DAB1: variants seen among roughly 807,000 people sequenced by gnomAD.
DAB1 encodes the protein disabled homolog 1.
Under a neutral mutation model 64.6 loss-of-function variants are expected in DAB1, and 15 were observed. The ratio of observed to expected loss-of-function variants is 0.23; its 90% CI spans 0.16 to 0.36. The LOEUF (loss-of-function observed/expected upper bound fraction) is 0.36, where lower values mean the gene tolerates loss of function less well. DAB1 is among the 10% of genes least tolerant of loss of function. DAB1 has a pLI of 1.00. For synonymous variants in DAB1, 235 were observed against 251.9 expected (o/e 0.93, Z 0.64); for missense variants, 596 against 706.7 (o/e 0.84, Z 1.78).
intron 7 of DAB1, among the ~76,000 whole-genome samples, chr1:57,509,641 T>C (rs1644385357): frequency 6.6e-6 from 1 of 152,112 alleles, no homozygotes; most frequent in South Asian, 2.1e-4. Context: ...GCACCAATTC[T>C]ATAAAACCAT....
At chr1:57,948,807 G>T (rs1281369751) in intron 5 of DAB1, among the ~76,000 whole-genome samples, 1 of 152,176 alleles carries the variant, frequency 6.6e-6, no homozygotes, top group Non-Finnish European at 1.5e-5. Flanking sequence ...TGAAGAATCT[G>T]AACCTAGAGG....
chr1:58,408,034 G>C (rs543505977), intron 3 of DAB1, among the ~76,000 whole-genome samples: 1 of 152,090 alleles, frequency 6.6e-6, no homozygotes, highest in Admixed American at 6.5e-5. Context: ...GGGTCTCAAC[G>C]TGTACTCCCT....
intron 6 of DAB1, among the ~76,000 whole-genome samples, chr1:57,715,680 C>A (rs1266066378): frequency 6.6e-6 from 1 of 151,764 alleles, no homozygotes; most frequent in Non-Finnish European, 1.5e-5. Context: ...AAAAGCAATC[C>A]CATTTATAAT....
chr1:58,411,873 C>T (rs1407806572), intron 3 of DAB1, among the ~76,000 whole-genome samples: 1 of 152,172 alleles, frequency 6.6e-6, no homozygotes, highest in African/African-American at 2.4e-5. Flanking sequence ...GCTGTTTCCC[C>T]ACCAAGGAAC....
chr1:57,290,834 A>T (rs17455616), intron 2 of DAB1, 130 bp downstream of exon 2: 5,976 of 575,800 alleles, frequency 0.01, 131 homozygotes, highest in East Asian at 0.076. Context: ...TTATTAACAC[A>T]AAACACACAA....
At chr1:57,145,166 T>C (rs1658989584) in intron 3 of DAB1, 124 bp downstream of exon 3, 1 of 949,476 alleles carries the variant, frequency 1.1e-6, no homozygotes, top group South Asian at 1.8e-5. Context: ...ATATGGTGAT[T>C]CAACAGTAAG....
chr1:58,504,028 C>T (rs897415134), intron 3 of DAB1, among the ~76,000 whole-genome samples: 5 of 152,178 alleles, frequency 3.3e-5, no homozygotes, highest in Non-Finnish European at 7.3e-5. Context: ...TCATCTCCTA[C>T]CAGGATTATG....
chr1:58,494,727 T>A lies in DAB1; in HGVS notation n.257+11333A>T, dbSNP rs572036918. 7.0e-3 allele frequency among the ~76,000 whole-genome samples: 1,063 copies of A among 152,148 alleles called. 7 individuals carry two copies. The highest frequency in any genetic ancestry group is 0.018 in the African/African-American group (740 of 41,498). On this transcript the variant is annotated intron_variant and non_coding_transcript_variant, in intron 3 of 20. Transcript: ENST00000485760. ...ATCAAAACCACAATGAGATACCATC[T>A]CACACCAGTTAGAATGGCGATCATT...
intron 1 of DAB1, among the ~76,000 whole-genome samples, chr1:57,362,946 T>C (rs1008892488): frequency 6.0e-4 from 91 of 152,148 alleles, no homozygotes; most frequent in African/African-American, 2.1e-3. Flanking sequence ...AACCTTTCCA[T>C]GAAAAGACAA....
chr1:58,415,697 T>C (rs927030580), intron 3 of DAB1, among the ~76,000 whole-genome samples: 3 of 152,200 alleles, frequency 2.0e-5, no homozygotes, highest in Non-Finnish European at 2.9e-5. Flanking sequence ...TATTATAGAG[T>C]GTCAACCGTG....
intron 6 of DAB1, among the ~76,000 whole-genome samples, chr1:57,795,690 G>GATATAGATATAT (rs1650813700): frequency 1.4e-5 from 1 of 69,092 alleles, no homozygotes; most frequent in Non-Finnish European, 2.6e-5. Context: ...TATGCTTGGA[G>GATATAGATATAT]ATATATATAT....
intron 7 of DAB1, among the ~76,000 whole-genome samples, chr1:57,447,299 T>C (rs1257166857): frequency 6.6e-6 from 1 of 152,166 alleles, no homozygotes; most frequent in African/African-American, 2.4e-5. Flanking sequence ...GACTGGCCCA[T>C]TGGACTTCTT....
chr1:57,823,235 G>A (rs900033011), downstream of DAB1, among the ~76,000 whole-genome samples: 1 of 151,782 alleles, frequency 6.6e-6, no homozygotes, highest in Non-Finnish European at 1.5e-5. Context: ...CGCCCACCTC[G>A]AACTCCCAAA....
chr1:58,202,558 A>C (rs1208066104), intron 4 of DAB1, among the ~76,000 whole-genome samples: 1 of 152,196 alleles, frequency 6.6e-6, no homozygotes, highest in African/African-American at 2.4e-5. Flanking sequence ...TGGCTTCCCC[A>C]CCTAAAAAAT....
chr1:57,207,446 C>CTTTCTT lies in DAB1; in HGVS notation c.68-62018_68-62017insAAGAAA, dbSNP rs1553156167. Among the ~76,000 whole-genome samples, 6 of 98,460 alleles carry CTTTCTT rather than the reference C, an allele frequency of 6.1e-5. 1 individual carries two copies. The highest frequency in any genetic ancestry group is 1.1e-4 in the Non-Finnish European group (5 of 46,438). The allele number at this position is 98,460 out of a possible 152,430, so 64.6% of individuals were successfully genotyped here. On this transcript the variant is annotated intron_variant, in intron 2 of 14. Transcript: ENST00000371236. ...CTGTAATTCATACCTTATTTCCTTT[C>CTTTCTT]TTTTTTTTTTTTTTTGAGATGGAGT...
chr1:58,154,592 A>C (rs1427452733), intron 4 of DAB1, among the ~76,000 whole-genome samples: 1 of 152,192 alleles, frequency 6.6e-6, no homozygotes, highest in African/African-American at 2.4e-5. Context: ...GCTCTGCCAC[A>C]GGTAAGAAGC....
At chr1:57,180,901 T>A (rs9970799) in intron 2 of DAB1, among the ~76,000 whole-genome samples, 14,789 of 152,224 alleles carry the variant, frequency 0.097, 1,494 homozygotes, top group African/African-American at 0.26. Context: ...TTCATTGGCA[T>A]GGTCATAGCA....
At chr1:57,289,797 C>T (rs1018800512) in intron 2 of DAB1, among the ~76,000 whole-genome samples, 15 of 152,182 alleles carry the variant, frequency 9.9e-5, no homozygotes, top group Non-Finnish European at 2.1e-4. Context: ...TGTCAATCCT[C>T]TCCCATGCAG....
chr1:58,138,726 C>T (rs1394342512), intron 5 of DAB1, among the ~76,000 whole-genome samples: 1 of 151,828 alleles, frequency 6.6e-6, no homozygotes, highest in Non-Finnish European at 1.5e-5. Flanking sequence ...AATATGGAAG[C>T]TTGAAGGAGG....
Sources: allele counts gnomAD v4.1 joint callset (sites outside exome capture counted in the v4.1 genomes callset), GRCh38; gene constraint gnomAD v4.1.1; transcripts MANE v1.5; gene names NCBI Gene and HGNC (gene_info 2026-07-23, HGNC 2026-07-21).